Variants in NOX4 observed in about 807,000 individuals in gnomAD.
The protein encoded by NOX4 is NADPH oxidase 4, also known as kidney oxidase-1.
Under a neutral mutation model 87.6 loss-of-function variants are expected in NOX4, and 69 were observed. The observed-to-expected ratio is 0.79, with a 90% CI of 0.65 to 0.96. The LOEUF is 0.96. NOX4 is among the 40% of genes least tolerant of loss of function. The pLI, the probability that NOX4 is intolerant of heterozygous loss-of-function variation, is 0.00. For missense variants in NOX4, 680 were observed against 681.5 expected (o/e 1.00, Z 0.02); for synonymous variants, 275 against 238.2 (o/e 1.15, Z -1.42).
At chr11:89,425,231 G>T (rs992462435) in intron 7 of NOX4, among the ~76,000 whole-genome samples, 2 of 151,914 alleles carry the variant, frequency 1.3e-5, no homozygotes, top group East Asian at 3.9e-4. Context: ...GCACCCTCAT[G>T]TACTGATGTT....
At position 89,422,000 on chromosome 11, in the gene NOX4, C is replaced by T. The variant is rs1365910692; in HGVS notation, c.549-18G>A. On this transcript the variant is annotated intron_variant, in intron 7 of 17. Coordinates refer to ENST00000263317, the MANE Select transcript of NOX4 (RefSeq NM_016931.5). ...TAGAAACTCTGCAAAAACAAATACA[C>T]TCATTTTAATGCTACTTTACATTCC... 6 of 1,317,916 alleles carry T rather than the reference C, an allele frequency of 4.6e-6. No homozygotes were observed. The highest frequency in any genetic ancestry group is 6.4e-6 in the Non-Finnish European group (6 of 943,848). The allele number at this position is 1,317,916 out of a possible 1,614,324, so 81.6% of individuals were successfully genotyped here.
the NOX4 span, among the ~76,000 whole-genome samples, chr11:89,554,317 C>T: frequency 3.9e-5 from 6 of 151,972 alleles, no homozygotes; most frequent in Admixed American, 2.0e-4. Flanking sequence ...TCATAAACTA[C>T]CTTCACATAT....
intron 2 of NOX4, among the ~76,000 whole-genome samples, chr11:89,489,394 A>C (rs942131142): frequency 7.9e-5 from 12 of 152,232 alleles, no homozygotes; most frequent in Non-Finnish European, 1.6e-4. Context: ...AGGTTCCCTA[A>C]GTTTTTGCAG....
intron 3 of NOX4, among the ~76,000 whole-genome samples, chr11:89,449,772 TA>T (rs1944873031): frequency 6.6e-6 from 1 of 151,926 alleles, no homozygotes; most frequent in Admixed American, 6.6e-5. Flanking sequence ...AAAAAAAAGT[TA>T]CAAAAAAACT....
chr11:89,363,136 T>C (rs1253876493), intron 12 of NOX4, among the ~76,000 whole-genome samples: 2 of 152,052 alleles, frequency 1.3e-5, no homozygotes, highest in East Asian at 3.9e-4. Flanking sequence ...GAGTTTGGAA[T>C]AGAACAGTCA....
At chr11:89,417,632 G>T (rs1199200689) in intron 8 of NOX4, among the ~76,000 whole-genome samples, 1 of 152,048 alleles carries the variant, frequency 6.6e-6, no homozygotes, top group African/African-American at 2.4e-5. Context: ...TTACTTTGTT[G>T]ATAAGAAAAT....
rs547850061 is a variant in NOX4 at position 89,342,753 on chromosome 11, A to G, written c.1218-560T>C. Among the ~76,000 whole-genome samples the G allele has an allele frequency of 4.6e-5, 7 of 152,284 alleles. 1 individual carries two copies. In the South Asian group the frequency reaches 1.5e-3, roughly 32 times the overall value. On this transcript the variant is annotated intron_variant, in intron 13 of 17. Coordinates refer to ENST00000263317, the MANE Select transcript of NOX4 (RefSeq NM_016931.5). ...CAAACTGATAGTTCTTTAGCTGTAAAGGACAATCACAAAGGAAGCTCTGCA... is the reference window on the plus strand; with the variant it reads ...CAAACTGATAGTTCTTTAGCTGTAAGGGACAATCACAAAGGAAGCTCTGCA...
At chr11:89,448,335 T>A (rs958735203) in intron 4 of NOX4, among the ~76,000 whole-genome samples, 2 of 152,284 alleles carry the variant, frequency 1.3e-5, no homozygotes, top group Non-Finnish European at 2.9e-5. Context: ...ATGTCCTTCA[T>A]CACTATGTTT....
At chr11:89,403,417 G>A (rs1185168517) in intron 8 of NOX4, among the ~76,000 whole-genome samples, 1 of 152,138 alleles carries the variant, frequency 6.6e-6, no homozygotes, top group Non-Finnish European at 1.5e-5. Flanking sequence ...AGAATACTAA[G>A]GAAAAATTTA....
chr11:89,454,574 T>C (rs1945106864), intron 2 of NOX4, among the ~76,000 whole-genome samples: 1 of 152,128 alleles, frequency 6.6e-6, no homozygotes, highest in Non-Finnish European at 1.5e-5. Flanking sequence ...ACCATTAAAT[T>C]ATAATAAGAA....
At chr11:89,493,245 C>T (rs61905491), upstream of NOX4, among the ~76,000 whole-genome samples, 7 of 152,206 alleles carry the variant, frequency 4.6e-5, no homozygotes, top group East Asian at 3.9e-4. Context: ...ATTAGCCGGG[C>T]GTGGTGGCAG....
the NOX4 span, among the ~76,000 whole-genome samples, chr11:89,509,602 C>T: frequency 6.6e-6 from 1 of 151,964 alleles, no homozygotes; most frequent in Non-Finnish European, 1.5e-5. Flanking sequence ...CCATCATGAC[C>T]TTTAGAATGG....
chr11:89,401,821 AAC>A (rs1941870608), intron 9 of NOX4, among the ~76,000 whole-genome samples: 1 of 152,284 alleles, frequency 6.6e-6, no homozygotes, highest in African/African-American at 2.4e-5. Flanking sequence ...TATTGCAAGA[AAC>A]ATTCTGTATG....
intron 6 of NOX4, among the ~76,000 whole-genome samples, chr11:89,439,031 C>A (rs570057099): frequency 8.7e-6 from 1 of 114,616 alleles, no homozygotes; most frequent in Non-Finnish European, 1.7e-5. Context: ...CATAATAGTG[C>A]TAATAGTAAC....
chr11:89,487,440 G>GCCTATAA (rs58225113), intron 2 of NOX4, among the ~76,000 whole-genome samples: 59,747 of 151,422 alleles, frequency 0.39, 14,190 homozygotes, highest in African/African-American at 0.68. Flanking sequence ...GGTCCTTCCT[G>GCCTATAA]TACTAGTACA....
At chr11:89,553,771 C>A in the NOX4 span, among the ~76,000 whole-genome samples, 1 of 151,764 alleles carries the variant, frequency 6.6e-6, no homozygotes, top group Non-Finnish European at 1.5e-5. Flanking sequence ...AACTAGTCTT[C>A]GAGTAAGAGG....
chr11:89,542,852 G>C, the NOX4 span, among the ~76,000 whole-genome samples: 1 of 152,006 alleles, frequency 6.6e-6, no homozygotes, highest in Non-Finnish European at 1.5e-5. Flanking sequence ...AGCAAGAGAC[G>C]CACTCCAACA....
chr11:89,537,301 T>C, the NOX4 span, among the ~76,000 whole-genome samples: 10 of 152,204 alleles, frequency 6.6e-5, no homozygotes, highest in African/African-American at 2.2e-4. Flanking sequence ...TTTTTTCATA[T>C]TGGTCATTAA....
intron 4 of NOX4, among the ~76,000 whole-genome samples, chr11:89,447,004 T>G (rs1944739493): frequency 6.6e-6 from 1 of 152,096 alleles, no homozygotes; most frequent in African/African-American, 2.4e-5. Flanking sequence ...TCTCTATATC[T>G]TCCTCTCAAT....
Sources: gnomAD v4.1 joint callset for allele counts (sites outside exome capture counted in the v4.1 genomes callset) on GRCh38, gnomAD v4.1.1 for gene constraint, MANE v1.5 for transcripts, NCBI Gene and HGNC (gene_info 2026-07-23, HGNC 2026-07-21) for gene names.